CMIP: variants seen among roughly 807,000 people sequenced by gnomAD.
The protein encoded by CMIP is c-Maf inducing protein, also known as C-Maf-inducing protein.
A neutral mutation model predicts 97.3 loss-of-function variants in CMIP; 13 were observed. The observed-to-expected ratio is 0.13, with a 90% CI of 0.09 to 0.21. The LOEUF is 0.21. Ranked by LOEUF, CMIP falls within the 10% of genes least tolerant of loss-of-function variation. The pLI, the probability that CMIP is intolerant of heterozygous loss-of-function variation, is 1.00. For synonymous variants in CMIP, 538 were observed against 436.3 expected, an observed-to-expected ratio of 1.23 and a Z score of -2.91; for missense variants, 847 against 1,024.9, an observed-to-expected ratio of 0.83 and a Z score of 2.37.
At chr16:81,541,020 CTTAT>C (rs1007640323) in intron 1 of CMIP, among the ~76,000 whole-genome samples, 4 of 148,788 alleles carry the variant, frequency 2.7e-5, no homozygotes, top group Non-Finnish European at 5.9e-5. Context: ...AGTCCGTGGG[CTTAT>C]TTGTTTTGGG....
intron 1 of CMIP, among the ~76,000 whole-genome samples, chr16:81,529,514 T>C (rs2966106): frequency 0.88 from 134,471 of 152,146 alleles, 59,629 homozygotes; most frequent in African/African-American, 0.94. Context: ...TCATGGGCCC[T>C]CAAAGATGCC....
chr16:81,697,996 C>G (rs1906947623), intron 14 of CMIP: 1 of 85,648 alleles, frequency 1.2e-5, no homozygotes, highest in African/African-American at 4.6e-5. Context: ...GCTGCGCCCC[C>G]CCGCCCCCGC....
intron 1 of CMIP, among the ~76,000 whole-genome samples, chr16:81,466,731 TG>T (rs1011439578): frequency 4.6e-5 from 7 of 152,164 alleles, no homozygotes; most frequent in Non-Finnish European, 1.0e-4. Flanking sequence ...GCATTGACCA[TG>T]GGGGGCTTAG....
intron 5 of CMIP, among the ~76,000 whole-genome samples, chr16:81,658,632 A>G (rs1019173255): frequency 2.0e-5 from 3 of 152,388 alleles, no homozygotes; most frequent in Admixed American, 2.0e-4. Context: ...GAAGAAACAA[A>G]ATGTGCAAGA....
intron 6 of CMIP, among the ~76,000 whole-genome samples, 195 bp downstream of exon 6, chr16:81,661,141 C>CA (rs1244181006): frequency 6.6e-6 from 1 of 152,242 alleles, no homozygotes; most frequent in Non-Finnish European, 1.5e-5. Flanking sequence ...AGACAGGTGA[C>CA]AAAGAGTCAC....
chr16:81,610,663 C>A, intron 2 of CMIP: 1 of 358,902 alleles, frequency 2.8e-6, no homozygotes, highest in Non-Finnish European at 3.9e-6. Context: ...CACACTCTGC[C>A]CACCGTGATG....
rs1331407830 is a variant in CMIP at position 81,453,056 on chromosome 16, C to T, written c.300+7515C>T. 6.6e-6 allele frequency among the ~76,000 whole-genome samples: 1 copy of T among 152,140 alleles called. No homozygotes were observed. Among genetic ancestry groups the T allele is most frequent in the Non-Finnish European group, 1.5e-5 (1 of 68,040 alleles). On this transcript the variant is annotated intron_variant, in intron 1 of 20. Transcript: ENST00000537098. This position sits in a 1 kb window ranked among gnomAD's most constrained non-coding sequence, Gnocchi z 4.0. ...TAAGGATCCTAGGATCTAGAACACA[C>T]TAGTGCTCTGATTCACCTCTGGTTT...
intron 1 of CMIP, among the ~76,000 whole-genome samples, chr16:81,581,641 CT>C (rs2091297671): frequency 6.6e-6 from 1 of 152,120 alleles, no homozygotes; most frequent in South Asian, 2.1e-4. Context: ...GGGTATTCAC[CT>C]AGAAGGGGAA....
intron 1 of CMIP, among the ~76,000 whole-genome samples, chr16:81,462,318 G>T (rs1348505675): frequency 6.6e-6 from 1 of 152,048 alleles, no homozygotes; most frequent in Non-Finnish European, 1.5e-5. Flanking sequence ...CCTTGGGCTG[G>T]CAAAATGGTA....
rs1422042308 is a variant in CMIP at position 81,652,512 on chromosome 16, G to A, written c.639+148G>A. Reference sequence around the variant, plus strand: ...AAGGAGGTGAGCAGTTGCCCACCCAGCCGTGTGTGGGAGTTGGGAGAGGGA... The same window carrying A: ...AAGGAGGTGAGCAGTTGCCCACCCAACCGTGTGTGGGAGTTGGGAGAGGGA... On this transcript the variant is annotated intron_variant, in intron 4 of 20. Transcript: ENST00000537098. This position sits in a 1 kb window ranked among gnomAD's most constrained non-coding sequence, Gnocchi z 5.2. 5.8e-6 allele frequency: 4 copies of A among 689,496 alleles called. No homozygotes were observed. The highest frequency in any genetic ancestry group is 1.8e-5 in the African/African-American group (1 of 55,146). The allele number at this position is 689,496 out of a possible 1,614,324, so 42.7% of individuals were successfully genotyped here.
intron 1 of CMIP, among the ~76,000 whole-genome samples, chr16:81,454,814 G>T (rs1906446801): frequency 6.6e-6 from 1 of 152,196 alleles, no homozygotes; most frequent in South Asian, 2.1e-4. Flanking sequence ...GCCATCATGG[G>T]GGTGGGGAGT....
Position 81,691,842 on chromosome 16 carries a change from T to G in CMIP, c.1454+2T>G. 1 of 1,613,040 alleles carries G rather than the reference T, an allele frequency of 6.2e-7. No individual in the cohort carries two copies. The highest frequency in any genetic ancestry group is 8.5e-7 in the Non-Finnish European group (1 of 1,179,250). On this transcript the variant is annotated splice_donor_variant, in intron 11 of 20. Coordinates refer to ENST00000537098, the MANE Select transcript of CMIP (RefSeq NM_198390.3). LOFTEE classifies it high-confidence loss of function. ...TCAACCCATTCCATTCCCCAAAGAG[T>G]AAGTCCCGTGTGCATCCCCGGAGCC...
At chr16:81,639,587 T>G (rs1244020995) in intron 3 of CMIP, among the ~76,000 whole-genome samples, 2 of 152,234 alleles carry the variant, frequency 1.3e-5, no homozygotes, top group East Asian at 1.9e-4. Flanking sequence ...ATTTCCTTCC[T>G]TTTTAAGACA....
At chr16:81,631,703 C>G (rs767129662) in intron 3 of CMIP, 2 of 152,326 alleles carry the variant, frequency 1.3e-5, no homozygotes, top group Non-Finnish European at 1.5e-5. Flanking sequence ...TGGTTAGACT[C>G]TGTTAACTTG....
At chr16:81,449,312 T>C (rs1241537906) in intron 1 of CMIP, among the ~76,000 whole-genome samples, 1 of 152,200 alleles carries the variant, frequency 6.6e-6, no homozygotes, top group Non-Finnish European at 1.5e-5. Flanking sequence ...TGCTGTTTGA[T>C]TGCAATGTTT....
intron 3 of CMIP, among the ~76,000 whole-genome samples, chr16:81,643,821 G>T (rs1469111671): frequency 6.6e-6 from 1 of 151,904 alleles, no homozygotes; most frequent in East Asian, 1.9e-4. Flanking sequence ...AAGGTTAATG[G>T]TTAATTTTAT....
chr16:81,476,339 T>C (rs2150751936), intron 1 of CMIP: 1 of 1,420,950 alleles, frequency 7.0e-7, no homozygotes, highest in Non-Finnish European at 9.9e-7. Flanking sequence ...CCCTGATACA[T>C]AAACCCTGGA....
At position 81,688,028 on chromosome 16, in the gene CMIP, G is replaced by A. The variant is rs754161032; in HGVS notation, c.1389-3747G>A. 2.3e-4 allele frequency among the ~76,000 whole-genome samples: 35 copies of A among 152,228 alleles called. 1 individual carries two copies. Among genetic ancestry groups the A allele is most frequent in the Non-Finnish European group, 1.0e-4 (7 of 68,040 alleles). The stretch of plus-strand genomic sequence containing the variant: ...CTTCAAGCCCCGGTGCGCAGGCAGC[G>A]CAGAGCGAATTGCATCTGCGTTATC... On this transcript the variant is annotated intron_variant, in intron 10 of 20. Transcript: ENST00000537098.
At chr16:81,539,403 C>T (rs959348196) in intron 1 of CMIP, among the ~76,000 whole-genome samples, 6 of 152,250 alleles carry the variant, frequency 3.9e-5, no homozygotes, top group African/African-American at 7.2e-5. Context: ...GCAGGCCCTG[C>T]GGGGATGGAT....
Sources: gnomAD v4.1 joint callset for allele counts (sites outside exome capture counted in the v4.1 genomes callset) on GRCh38, gnomAD v4.1.1 for gene constraint, Gnocchi (gnomAD v3.1) non-coding constraint, MANE v1.5 for transcripts, NCBI Gene and HGNC (gene_info 2026-07-23, HGNC 2026-07-21) for gene names.